Variants in DENND5B observed in about 807,000 individuals in gnomAD.
The protein encoded by DENND5B is DENN domain containing 5B, also known as DENN domain-containing protein 5B.
DENND5B carries 34 observed loss-of-function variants against 140.6 expected under a neutral mutation model. The observed-to-expected ratio is 0.24, with a 90% CI of 0.18 to 0.32. The LOEUF is 0.32. Ranked by LOEUF, DENND5B falls within the 10% of genes least tolerant of loss-of-function variation. DENND5B has a pLI of 1.00. For missense variants in DENND5B, 1,142 were observed against 1,560.2 expected (o/e 0.73, Z 4.52); for synonymous variants, 551 against 562.1 (o/e 0.98, Z 0.28).
chr12:31,552,376 G>A (rs565666544), intron 1 of DENND5B, among the ~76,000 whole-genome samples: 3 of 152,164 alleles, frequency 2.0e-5, no homozygotes, highest in Non-Finnish European at 4.4e-5. Flanking sequence ...ATTGATTTGT[G>A]TATGTTGAAC....
intron 1 of DENND5B, 77 bp from the exon 2 acceptor site, chr12:31,495,996 C>T (rs970572396): frequency 1.1e-6 from 1 of 940,298 alleles, no homozygotes; most frequent in Non-Finnish European, 1.6e-6. Context: ...TTTTATAGTC[C>T]TACTACTGAC....
intron 5 of DENND5B, 147 bp from the exon 6 acceptor site, chr12:31,447,916 C>CT (rs912256714): frequency 1.5e-6 from 1 of 663,272 alleles, no homozygotes; most frequent in Admixed American, 3.0e-5. Flanking sequence ...TAAAAATCCA[C>CT]TTTTCTTTCC....
intron 1 of DENND5B, among the ~76,000 whole-genome samples, chr12:31,553,881 G>T (rs930143694): frequency 6.6e-6 from 1 of 152,112 alleles, no homozygotes; most frequent in African/African-American, 2.4e-5. Flanking sequence ...GACTAGGATT[G>T]CAACCCCTGC....
In DENND5B at chr12:31,460,044, T is replaced by C; in HGVS notation, c.1092+150A>G. 4 of 731,210 alleles carry C rather than the reference T, an allele frequency of 5.5e-6. No homozygotes were observed. In the South Asian group the frequency reaches 8.3e-5, roughly 15 times the overall value. 45.3% of individuals were successfully genotyped at this position (731,210 alleles called of 1,614,324 possible). ...TAGTCATCATCAAGAGTCTGCATTC[T>C]ATAGCTCAGGCTCTCCCCTAGCCAT... On this transcript the variant is annotated intron_variant, in intron 4 of 20. Coordinates refer to ENST00000389082, the MANE Select transcript of DENND5B (RefSeq NM_144973.4).
At chr12:31,551,820 G>A (rs1949072968) in intron 1 of DENND5B, among the ~76,000 whole-genome samples, 1 of 152,194 alleles carries the variant, frequency 6.6e-6, no homozygotes, top group Non-Finnish European at 1.5e-5. Context: ...TATTCTCTTT[G>A]AAGCAATTGT....
chr12:31,442,299 C>T (rs1385879142), intron 7 of DENND5B, among the ~76,000 whole-genome samples: 1 of 152,136 alleles, frequency 6.6e-6, no homozygotes, highest in African/African-American at 2.4e-5. Context: ...AAGGATCATT[C>T]CCTAGAAGCC....
chr12:31,403,397 T>TC (rs1189997926), intron 14 of DENND5B, among the ~76,000 whole-genome samples: 1 of 151,602 alleles, frequency 6.6e-6, no homozygotes, highest in Non-Finnish European at 1.5e-5. Flanking sequence ...TTTCTTTTTT[T>TC]TTTTTGCCAA....
intron 13 of DENND5B, 120 bp downstream of exon 13, chr12:31,413,315 AG>A (rs1213946634): frequency 5.0e-6 from 6 of 1,198,618 alleles, no homozygotes; most frequent in Non-Finnish European, 6.8e-6. Flanking sequence ...TAGATAAAGA[AG>A]AATGCATGTG....
At chr12:31,575,486 G>C (rs1949978722) in intron 1 of DENND5B, among the ~76,000 whole-genome samples, 1 of 152,080 alleles carries the variant, frequency 6.6e-6, no homozygotes, top group Non-Finnish European at 1.5e-5. Context: ...TGCTGTTTTA[G>C]TCCTGATCTA....
At chr12:31,404,434 C>A (rs1251474359) in intron 14 of DENND5B, among the ~76,000 whole-genome samples, 1 of 152,108 alleles carries the variant, frequency 6.6e-6, no homozygotes, top group Non-Finnish European at 1.5e-5. Flanking sequence ...GCAGTTGGGA[C>A]TACAGGTGCA....
chr12:31,450,125 T>A (rs1944449749), intron 5 of DENND5B, among the ~76,000 whole-genome samples: 1 of 152,158 alleles, frequency 6.6e-6, no homozygotes, highest in Admixed American at 6.5e-5. Context: ...AGAAGTGAAG[T>A]CTTGTTAATA....
chr12:31,502,463 A>C (rs1489311624), intron 1 of DENND5B, among the ~76,000 whole-genome samples: 1 of 152,234 alleles, frequency 6.6e-6, no homozygotes, highest in East Asian at 1.9e-4. Context: ...CATAATTATA[A>C]AGTGTCAACT....
At chr12:31,432,623 C>T (rs534492487) in intron 8 of DENND5B, 1 of 152,258 alleles carries the variant, frequency 6.6e-6, no homozygotes, top group African/African-American at 2.4e-5. Flanking sequence ...AGAAAAAAAT[C>T]AAAACTTACT....
intron 2 of DENND5B, among the ~76,000 whole-genome samples, chr12:31,492,557 C>T (rs966084989): frequency 2.6e-5 from 4 of 152,164 alleles, no homozygotes; most frequent in African/African-American, 9.7e-5. Flanking sequence ...TAGAACCTCA[C>T]TTTGAATACC....
At chr12:31,433,533 T>C (rs1943609677) in intron 7 of DENND5B, among the ~76,000 whole-genome samples, 1 of 152,178 alleles carries the variant, frequency 6.6e-6, no homozygotes, top group Middle Eastern at 3.2e-3. Flanking sequence ...GATACTTACA[T>C]ACATAACAAT....
intron 2 of DENND5B, among the ~76,000 whole-genome samples, chr12:31,483,852 TTTC>T (rs1178125770): frequency 6.7e-6 from 1 of 149,260 alleles, no homozygotes; most frequent in Non-Finnish European, 1.5e-5. Flanking sequence ...TTAGAGCAGT[TTTC>T]TTTTCTTTTC....
rs1358886805 is a variant in DENND5B, at chr12:31,485,321, A to AT, written c.238-5067dup. On this transcript the variant is annotated intron_variant, in intron 2 of 20. Transcript: ENST00000389082. ...GACCACTTCTTCAAGCATCTCGACAATTTTTTGCAGGGAAAACGCTTCCAC... is the reference window on the plus strand; with the variant it reads ...GACCACTTCTTCAAGCATCTCGACAATTTTTTTGCAGGGAAAACGCTTCCAC... Among the ~76,000 whole-genome samples, 74 of 152,236 alleles carry AT rather than the reference A, an allele frequency of 4.9e-4. 1 individual carries two copies.
chr12:31,590,500 C>G (rs960455555), intron 1 of DENND5B: 1 of 586,266 alleles, frequency 1.7e-6, no homozygotes, highest in African/African-American at 2.0e-5. Flanking sequence ...AGGCGAAAGC[C>G]CCGGTGGGCG....
At chr12:31,554,883 T>C (rs981042939) in intron 1 of DENND5B, among the ~76,000 whole-genome samples, 5 of 152,248 alleles carry the variant, frequency 3.3e-5, no homozygotes, top group African/African-American at 1.2e-4. Flanking sequence ...GTCACGTAGC[T>C]CTCGTGCCTT....
Sources: allele counts gnomAD v4.1 joint callset (sites outside exome capture counted in the v4.1 genomes callset), GRCh38; gene constraint gnomAD v4.1.1; transcripts MANE v1.5; gene names NCBI Gene and HGNC (gene_info 2026-07-23, HGNC 2026-07-21).